Variants in DPH6 observed in about 807,000 individuals in gnomAD.
DPH6 encodes the protein diphthamine biosynthesis 6.
DPH6 carries 33 observed loss-of-function variants against 38.2 expected under a neutral mutation model. That is an observed-to-expected ratio of 0.86 (90% CI 0.65 to 1.15). DPH6 has a LOEUF of 1.15. DPH6 is among the 50% of genes most tolerant of loss of function. The pLI is 0.00. For synonymous variants in DPH6, 108 were observed against 103.0 expected (o/e 1.05, Z -0.30); for missense variants, 325 against 320.0 (o/e 1.02, Z -0.12).
chr15:35,335,220 C>T (rs1321696746), intron 3 of DPH6, among the ~76,000 whole-genome samples: 1 of 152,126 alleles, frequency 6.6e-6, no homozygotes, highest in Non-Finnish European at 1.5e-5. Flanking sequence ...TGGGTCTGTT[C>T]ATGTCCTTTG....
intron 3 of DPH6, among the ~76,000 whole-genome samples, chr15:35,319,261 G>A (rs533136552): frequency 6.6e-6 from 1 of 152,152 alleles, no homozygotes; most frequent in South Asian, 2.1e-4. Context: ...GGTAATGAAT[G>A]TGAAAGGTTC....
At chr15:35,237,447 C>G in intron 3 of DPH6, 7 of 1,602,928 alleles carry the variant, frequency 4.4e-6, no homozygotes, top group Middle Eastern at 1.7e-4. Flanking sequence ...ACAGATGAAT[C>G]TGAATAACTG....
At position 35,253,262 on chromosome 15, in the gene DPH6, G is replaced by A. The variant is rs1167458867; in HGVS notation, n.201-32680C>T. Among the ~76,000 whole-genome samples, 8 of 152,298 alleles carry A rather than the reference G, an allele frequency of 5.3e-5. No individual in the cohort carries two copies. The South Asian group carries it at 1.7e-3, about 32-fold the overall frequency. On this transcript the variant is annotated intron_variant and non_coding_transcript_variant, in intron 3 of 3. Transcript: ENST00000560386. ...AAATTAAATATAAACAGTAGGTTGT[G>A]GAAAGCATCATCAAGTGAAGTGAAG... is the stretch of plus-strand genomic sequence containing the variant.
At chr15:35,321,626 G>C (rs2052241246) in intron 3 of DPH6, among the ~76,000 whole-genome samples, 1 of 152,160 alleles carries the variant, frequency 6.6e-6, no homozygotes, top group South Asian at 2.1e-4. Context: ...CTGTATTCTT[G>C]ATTTGTGCTC....
chr15:35,355,974 T>C (rs2052556408), intron 3 of DPH6, among the ~76,000 whole-genome samples: 1 of 152,238 alleles, frequency 6.6e-6, no homozygotes, highest in African/African-American at 2.4e-5. Flanking sequence ...TTGGAGGCTT[T>C]GTTCATTTCT....
At chr15:35,290,606 T>C (rs2051973930) in intron 3 of DPH6, among the ~76,000 whole-genome samples, 1 of 152,204 alleles carries the variant, frequency 6.6e-6, no homozygotes, top group African/African-American at 2.4e-5. Context: ...GTGTATAATG[T>C]GACTAACATG....
chr15:35,535,755 T>A (rs952558603), intron 3 of DPH6, among the ~76,000 whole-genome samples: 1 of 152,154 alleles, frequency 6.6e-6, no homozygotes, highest in African/African-American at 2.4e-5. Flanking sequence ...TTGAGATACA[T>A]ACCTCTAGCT....
At chr15:35,477,584 A>G (rs188964972) in intron 3 of DPH6, among the ~76,000 whole-genome samples, 1 of 151,722 alleles carries the variant, frequency 6.6e-6, no homozygotes, top group Non-Finnish European at 1.5e-5. Flanking sequence ...TATTTTAAAA[A>G]CCTACAGTAC....
chr15:35,257,074 T>C (rs2051713325), intron 3 of DPH6, among the ~76,000 whole-genome samples: 2 of 152,118 alleles, frequency 1.3e-5, no homozygotes, highest in African/African-American at 4.8e-5. Flanking sequence ...ATGGCATCAT[T>C]AGCATAAAAT....
chr15:35,179,903 T>C, the DPH6 span, among the ~76,000 whole-genome samples: 3 of 152,186 alleles, frequency 2.0e-5, no homozygotes, highest in Non-Finnish European at 4.4e-5. Context: ...GTAGTATGTA[T>C]TGTATTTCTT....
Position 35,430,750 on chromosome 15 carries a change from T to G in DPH6, c.506-19854A>C, listed in dbSNP as rs1036135272. On this transcript the variant is annotated intron_variant, in intron 5 of 8. Transcript: ENST00000256538. ...ACTATAAATGCATTTCCTGTAATTTTCAAGTTAAATGTTTTAAGGTCAGTT... is the reference window on the plus strand; with the variant it reads ...ACTATAAATGCATTTCCTGTAATTTGCAAGTTAAATGTTTTAAGGTCAGTT... Among the ~76,000 whole-genome samples the G allele has an allele frequency of 3.2e-4, 49 of 152,182 alleles. 1 individual carries two copies. The highest frequency in any genetic ancestry group is 4.9e-4 in the Non-Finnish European group (33 of 68,024).
rs1020255478 is a variant in DPH6 at position 35,479,512 on chromosome 15, C to T, written c.313-24692G>A. 3.9e-5 allele frequency among the ~76,000 whole-genome samples: 6 copies of T among 152,042 alleles called. 1 individual carries two copies. The highest frequency in any genetic ancestry group is 3.9e-4 in the Admixed American group (6 of 15,220). ...TGATAAGAATCCATCAAGCACTAAC[C>T]CTGGTTAAAGTTAGGTTAAGACTCC... On this transcript the variant is annotated intron_variant, in intron 3 of 8. Transcript: ENST00000256538.
intron 3 of DPH6, among the ~76,000 whole-genome samples, chr15:35,349,143 TTTTA>T (rs1376316737): frequency 6.6e-6 from 1 of 152,168 alleles, no homozygotes; most frequent in Non-Finnish European, 1.5e-5. Flanking sequence ...TTTAGATCTC[TTTTA>T]TTTCTTTTTC....
At position 35,294,209 on chromosome 15, in the gene DPH6, C is replaced by G. The variant is rs16960759; in HGVS notation, n.201-73627G>C. On this transcript the variant is annotated intron_variant and non_coding_transcript_variant, in intron 3 of 3. Transcript: ENST00000560386. ...TACTCCATCCCCAACCCAAATGCCCCTCTTGTTTCCTGAATCTATCCTACT... is the reference window on the plus strand; with the variant it reads ...TACTCCATCCCCAACCCAAATGCCCGTCTTGTTTCCTGAATCTATCCTACT... Among the ~76,000 whole-genome samples the G allele has an allele frequency of 0.021, 3,149 of 152,272 alleles. 300 individuals carry two copies. In the East Asian group the frequency reaches 0.32, roughly 15 times the overall value.
At chr15:35,171,759 A>T in the DPH6 span, among the ~76,000 whole-genome samples, 1 of 152,186 alleles carries the variant, frequency 6.6e-6, no homozygotes, top group South Asian at 2.1e-4. Context: ...CATACTCTGG[A>T]ATACTTGGGA....
At chr15:35,496,567 A>AAAAAAAAAAAAAAAAAAATATATAT in intron 3 of DPH6, among the ~76,000 whole-genome samples, 2 of 31,014 alleles carry the variant, frequency 6.4e-5, no homozygotes, top group Middle Eastern at 0.029. Flanking sequence ...AAAAAAAAAA[A>AAAAAAAAAAAAAAAAAAATATATAT]ATATATATAT....
rs146220469 is a variant in DPH6 at position 35,460,712 on chromosome 15, T to C, written c.313-5892A>G. Among the ~76,000 whole-genome samples, 379 of 152,338 alleles carry C rather than the reference T, an allele frequency of 2.5e-3. 3 individuals are homozygous for C. Among genetic ancestry groups the C allele is most frequent in the African/African-American group, 8.7e-3 (362 of 41,578 alleles). On this transcript the variant is annotated intron_variant, in intron 3 of 8. Coordinates refer to ENST00000256538, the MANE Select transcript of DPH6 (RefSeq NM_080650.4). The stretch of plus-strand genomic sequence containing the variant: ...TAACAGATTCTTACAAAGTTAACTA[T>C]GACCAAATTAGACAAGCAGGCATCA...
chr15:35,487,898 A>T (rs2054426333), intron 3 of DPH6, among the ~76,000 whole-genome samples: 2 of 152,224 alleles, frequency 1.3e-5, no homozygotes, highest in Non-Finnish European at 1.5e-5. Context: ...ATATGAGCAT[A>T]CAATTTTAGA....
chr15:35,387,265 T>TC (rs2052977376), intron 6 of DPH6, among the ~76,000 whole-genome samples: 1 of 152,190 alleles, frequency 6.6e-6, no homozygotes, highest in African/African-American at 2.4e-5. Context: ...TAGTTTGAAG[T>TC]CAGGCAGCAT....
Sources: allele counts gnomAD v4.1 joint callset (sites outside exome capture counted in the v4.1 genomes callset), GRCh38; gene constraint gnomAD v4.1.1; transcripts MANE v1.5; gene names NCBI Gene and HGNC (gene_info 2026-07-23, HGNC 2026-07-21).